Variants in DSCAM observed in about 807,000 individuals in gnomAD.
DSCAM encodes DS cell adhesion molecule.
In DSCAM, 47 loss-of-function variants were observed where a neutral mutation model predicts 217.7. The ratio of observed to expected loss-of-function variants is 0.22; its 90% CI spans 0.17 to 0.28. The LOEUF (loss-of-function observed/expected upper bound fraction) is 0.28, where lower values mean the gene tolerates loss of function less well. Ranked by LOEUF, DSCAM falls within the 10% of genes least tolerant of loss-of-function variation. The pLI is 1.00. For missense variants in DSCAM, 2,080 were observed against 2,618.3 expected, an observed-to-expected ratio of 0.79 and a Z score of 4.49; for synonymous variants, 1,056 against 1,015.3, an observed-to-expected ratio of 1.04 and a Z score of -0.76.
intron 11 of DSCAM, among the ~76,000 whole-genome samples, chr21:40,232,079 T>G (rs535426706): frequency 2.4e-4 from 37 of 152,332 alleles, no homozygotes; most frequent in Non-Finnish European, 1.6e-4. Flanking sequence ...ATAGTAATTT[T>G]TTTTGGATTT....
rs191708070 is a variant in DSCAM, at chr21:40,538,910, A to T, written c.508+153900T>A. ...CTCTGGGTTCCGTCTTTCCTTCATG[A>T]GGTCAAGTAGTAGAGGATGAAACAG... is the stretch of plus-strand genomic sequence containing the variant. On this transcript the variant is annotated intron_variant, in intron 3 of 32. Coordinates refer to ENST00000400454, the MANE Select transcript of DSCAM (RefSeq NM_001389.5). 1.0e-3 allele frequency among the ~76,000 whole-genome samples: 155 copies of T among 152,322 alleles called. 1 individual carries two copies. Among genetic ancestry groups the T allele is most frequent in the Middle Eastern group, 3.4e-3 (1 of 294 alleles).
chr21:40,249,003 A>C (rs928506824), intron 11 of DSCAM, among the ~76,000 whole-genome samples: 9 of 152,196 alleles, frequency 5.9e-5, no homozygotes, highest in African/African-American at 2.2e-4. Flanking sequence ...CATCACACGA[A>C]TAGCACAGGA....
chr21:40,369,174 T>C lies in DSCAM; in HGVS notation c.580A>G (p.Asn194Asp). 1 of 1,613,678 alleles carries C rather than the reference T, an allele frequency of 6.2e-7. No individual in the cohort carries two copies. Among genetic ancestry groups the C allele is most frequent in the Non-Finnish European group, 8.5e-7 (1 of 1,179,800 alleles). Residue 194 changes from asparagine (N) to aspartate (D), a missense_variant, in exon 4 of 33, where the codon AAC (asparagine) becomes GAC (aspartate). By Grantham distance (23) the Asn-to-Asp change is conservative. Transcript: ENST00000400454. ...CGATGCCGCGTGATGCAGCGGTAGT[T>C]ATACAATCCATCTTCATTCTGTACA... Reference protein sequence around the residue: ...KDVQNEDGLYNYRCITRHRYT... With the variant: ...KDVQNEDGLYDYRCITRHRYT...
intron 1 of DSCAM, among the ~76,000 whole-genome samples, chr21:40,836,313 A>G (rs749956873): frequency 2.6e-5 from 4 of 152,254 alleles, no homozygotes; most frequent in Non-Finnish European, 5.9e-5. Context: ...GCAAAGCACA[A>G]GCATTTATAA....
intron 3 of DSCAM, among the ~76,000 whole-genome samples, chr21:40,641,821 G>C (rs149975701): frequency 1.1e-4 from 17 of 152,180 alleles, no homozygotes; most frequent in Non-Finnish European, 1.9e-4. Flanking sequence ...AGGCCGAGGC[G>C]GGTGGATCAC....
At position 40,080,352 on chromosome 21, in the gene DSCAM, G is replaced by T. The variant is rs753704401; in HGVS notation, c.4232-12C>A. 6.4e-7 allele frequency: 1 copy of T among 1,569,002 alleles called. No homozygotes were observed. The highest frequency in any genetic ancestry group is 2.3e-5 in the East Asian group (1 of 43,020). ...CTGCAGTATGTATCCTGCAGAGAATGAGAAAGATTCACATGAGCACTGTGT... is the reference window on the plus strand; with the variant it reads ...CTGCAGTATGTATCCTGCAGAGAATTAGAAAGATTCACATGAGCACTGTGT... On this transcript the variant is annotated splice_polypyrimidine_tract_variant and intron_variant, in intron 24 of 32. Transcript: ENST00000400454.
chr21:40,789,919 G>A (rs1412419954), intron 1 of DSCAM, among the ~76,000 whole-genome samples: 3 of 152,130 alleles, frequency 2.0e-5, no homozygotes, highest in Non-Finnish European at 2.9e-5. Flanking sequence ...CTACCGTTAG[G>A]AGTCATGAAA....
chr21:40,696,205 A>G (rs1302588100), intron 2 of DSCAM, among the ~76,000 whole-genome samples: 1 of 152,070 alleles, frequency 6.6e-6, no homozygotes, highest in African/African-American at 2.4e-5. Context: ...GATCTTCTCA[A>G]AGCAGGGACA....
chr21:40,203,954 T>C (rs1045123981), intron 11 of DSCAM, among the ~76,000 whole-genome samples: 1 of 152,156 alleles, frequency 6.6e-6, no homozygotes, highest in South Asian at 2.1e-4. Flanking sequence ...CTTATGTAGG[T>C]TTTAAATGAA....
rs900019846 is a variant in DSCAM at position 40,799,623 on chromosome 21, G to A, written c.43+46996C>T. ...TGATTTCCCTTTTTCAGCTTGTAAA[G>A]CTTTTCCACCTCATAAAGTCTTTTT... On this transcript the variant is annotated intron_variant, in intron 1 of 32. Transcript: ENST00000400454. Among the ~76,000 whole-genome samples the A allele has an allele frequency of 6.6e-5, 10 of 152,172 alleles. 1 individual carries two copies. Among genetic ancestry groups the A allele is most frequent in the Admixed American group, 2.6e-4 (4 of 15,282 alleles).
intron 3 of DSCAM, among the ~76,000 whole-genome samples, chr21:40,442,504 TAA>T (rs2075639278): frequency 7.3e-6 from 1 of 136,518 alleles, no homozygotes. Context: ...TTAAGACCCC[TAA>T]TTTTTTTTTT....
intron 4 of DSCAM, among the ~76,000 whole-genome samples, chr21:40,364,707 T>TATAC (rs1555909928): frequency 5.8e-5 from 7 of 119,698 alleles, no homozygotes; most frequent in African/African-American, 1.2e-4. Flanking sequence ...TATATATATA[T>TATAC]ACACACACAG....
chr21:40,518,666 G>A (rs2076334675), intron 3 of DSCAM, among the ~76,000 whole-genome samples: 1 of 132,282 alleles, frequency 7.6e-6, no homozygotes, highest in Non-Finnish European at 1.6e-5. Flanking sequence ...GTATATATAT[G>A]TGTATGTGTG....
At chr21:40,617,016 CA>C (rs1223963613) in intron 3 of DSCAM, among the ~76,000 whole-genome samples, 55 of 68,912 alleles carry the variant, frequency 8.0e-4, no homozygotes, top group Middle Eastern at 0.014. Context: ...GACTCCGTCT[CA>C]AAAAAAAAAA....
At chr21:40,163,594 T>G (rs741803) in intron 16 of DSCAM, among the ~76,000 whole-genome samples, 1 of 151,796 alleles carries the variant, frequency 6.6e-6, no homozygotes, top group Non-Finnish European at 1.5e-5. Flanking sequence ...TAATATAGCC[T>G]ATAGAAAGAT....
chr21:40,538,393 G>A (rs752779817), intron 3 of DSCAM, among the ~76,000 whole-genome samples: 14 of 152,092 alleles, frequency 9.2e-5, no homozygotes, highest in East Asian at 3.9e-4. Flanking sequence ...ACCAAAATGC[G>A]CCACTCCCCC....
chr21:40,407,840 C>T (rs2075291758), intron 3 of DSCAM, among the ~76,000 whole-genome samples: 1 of 152,172 alleles, frequency 6.6e-6, no homozygotes, highest in Non-Finnish European at 1.5e-5. Flanking sequence ...ATAAGCTGTA[C>T]AATGATGTTT....
At chr21:40,074,906 G>T (rs2089342210) in intron 27 of DSCAM, 131 bp downstream of exon 27, 5 of 861,522 alleles carry the variant, frequency 5.8e-6, no homozygotes, top group Non-Finnish European at 8.7e-6. Flanking sequence ...AGAGAACCAG[G>T]CAGTGGAGGG....
Position 40,310,689 on chromosome 21 carries a change from C to A in DSCAM, c.2062+1392G>T, listed in dbSNP as rs369481047. 3.3e-4 allele frequency among the ~76,000 whole-genome samples: 50 copies of A among 152,302 alleles called. No homozygotes were observed. In the South Asian group the frequency reaches 9.1e-3, roughly 28 times the overall value. Reference sequence around the variant, plus strand: ...GATTCCTGGCCTGGATCCTTCAGAGCAGATTATATAGAAAGCAGGCTGATG... The same window carrying A: ...GATTCCTGGCCTGGATCCTTCAGAGAAGATTATATAGAAAGCAGGCTGATG... On this transcript the variant is annotated intron_variant, in intron 9 of 32. Coordinates refer to ENST00000400454, the MANE Select transcript of DSCAM (RefSeq NM_001389.5).
Sources: gnomAD v4.1 joint callset for allele counts (sites outside exome capture counted in the v4.1 genomes callset) on GRCh38, gnomAD v4.1.1 for gene constraint, MANE v1.5 for transcripts, NCBI Gene and HGNC (gene_info 2026-07-23, HGNC 2026-07-21) for gene names.